STK31: variants seen among roughly 807,000 people sequenced by gnomAD.
STK31 encodes serine/threonine kinase 31.
A neutral mutation model predicts 129.7 loss-of-function variants in STK31; 89 were observed. The observed-to-expected ratio is 0.69, with a 90% CI of 0.58 to 0.82. STK31 has a LOEUF of 0.82. Ranked by LOEUF, STK31 falls within the 40% of genes least tolerant of loss-of-function variation. The pLI, the probability that STK31 is intolerant of heterozygous loss-of-function variation, is 0.00. For synonymous variants in STK31, 448 were observed against 395.3 expected (o/e 1.13, Z -1.58); for missense variants, 1,187 against 1,176.4 (o/e 1.01, Z -0.13).
intron 11 of STK31, among the ~76,000 whole-genome samples, chr7:23,767,538 G>C (rs773942153): frequency 1.3e-5 from 2 of 152,170 alleles, no homozygotes; most frequent in Non-Finnish European, 2.9e-5. Context: ...CTCTGCCTCA[G>C]CTACTGCTCC....
At chr7:23,826,552 A>T (rs761834203) in intron 23 of STK31, among the ~76,000 whole-genome samples, 1 of 152,122 alleles carries the variant, frequency 6.6e-6, no homozygotes, top group Admixed American at 6.5e-5. Flanking sequence ...CTCTTTATCC[A>T]GTTTGCCAGT....
intron 22 of STK31, among the ~76,000 whole-genome samples, chr7:23,807,355 A>G (rs1323653615): frequency 1.3e-5 from 2 of 152,088 alleles, no homozygotes; most frequent in Non-Finnish European, 2.9e-5. Context: ...TTCTTTTAGC[A>G]TTTGGAAAAG....
intron 4 of STK31, among the ~76,000 whole-genome samples, chr7:23,718,814 T>G (rs1399951808): frequency 1.3e-5 from 2 of 152,122 alleles, no homozygotes; most frequent in East Asian, 3.8e-4. Context: ...AATCCTTATA[T>G]AAGTCTTCTG....
At chr7:23,809,319 C>G (rs1584482503) in intron 22 of STK31, among the ~76,000 whole-genome samples, 3 of 152,106 alleles carry the variant, frequency 2.0e-5, no homozygotes, top group Admixed American at 1.3e-4. Context: ...ACAGCCACCT[C>G]ATTCTCACAT....
intron 8 of STK31, among the ~76,000 whole-genome samples, chr7:23,738,487 A>C (rs1376563366): frequency 6.6e-6 from 1 of 152,066 alleles, no homozygotes; most frequent in African/African-American, 2.4e-5. Context: ...TCCCGGACTC[A>C]AGCAATCCAC....
chr7:23,712,849 T>C (rs897789077), intron 3 of STK31, among the ~76,000 whole-genome samples: 1 of 152,182 alleles, frequency 6.6e-6, no homozygotes, highest in African/African-American at 2.4e-5. Flanking sequence ...TAAATTCCTC[T>C]GATGCACAGA....
At chr7:23,831,211 T>C (rs1413718282) in intron 23 of STK31, among the ~76,000 whole-genome samples, 1 of 152,218 alleles carries the variant, frequency 6.6e-6, no homozygotes, top group Non-Finnish European at 1.5e-5. Context: ...ATTATCTGTC[T>C]AGTGGTGAGA....
rs1409480235 is a variant in STK31 at position 23,832,339 on chromosome 7, A to G, written c.3033A>G (p.Arg1011=). Residue 1011 remains arginine (R), a synonymous_variant, in exon 24 of 24, where the codon AGA becomes AGG. Coordinates refer to ENST00000355870, the MANE Select transcript of STK31 (RefSeq NM_031414.5). The part of the protein sequence containing the change: ...ENLDKCMEKT[R]NGEANFDC ...TGGATAAATGTATGGAGAAGACAAGAAATGGTGAAGCCAACTTTGATTGTT... is the reference window on the plus strand; with the variant it reads ...TGGATAAATGTATGGAGAAGACAAGGAATGGTGAAGCCAACTTTGATTGTT... The G allele has an allele frequency of 6.2e-7, 1 of 1,611,024 alleles. No homozygotes were observed. Among genetic ancestry groups the G allele is most frequent in the African/African-American group, 1.3e-5 (1 of 74,700 alleles).
chr7:23,799,087 AAG>A (rs1349061273), intron 22 of STK31, among the ~76,000 whole-genome samples: 1 of 150,652 alleles, frequency 6.6e-6, no homozygotes, highest in African/African-American at 2.5e-5. Flanking sequence ...TCAAGGAAAT[AAG>A]AGAGGACACA....
intron 4 of STK31, among the ~76,000 whole-genome samples, chr7:23,723,963 G>A (rs1786892241): frequency 6.6e-6 from 1 of 152,200 alleles, no homozygotes; most frequent in Admixed American, 6.5e-5. Context: ...CGGCCCGGAG[G>A]AAGGGGCTTG....
At chr7:23,724,237 G>A (rs1786911986) in intron 4 of STK31, among the ~76,000 whole-genome samples, 1 of 152,142 alleles carries the variant, frequency 6.6e-6, no homozygotes, top group African/African-American at 2.4e-5. Flanking sequence ...TTCATACATT[G>A]TTTGTGCCAG....
chr7:23,742,722 T>G (rs1689768108), intron 8 of STK31, among the ~76,000 whole-genome samples: 1 of 152,188 alleles, frequency 6.6e-6, no homozygotes, highest in African/African-American at 2.4e-5. Context: ...GGGCTTTCTC[T>G]CTCTTCTCTG....
At chr7:23,804,385 C>T (rs936572879) in intron 22 of STK31, among the ~76,000 whole-genome samples, 9 of 152,092 alleles carry the variant, frequency 5.9e-5, no homozygotes, top group Admixed American at 3.3e-4. Flanking sequence ...TCTTGTTTGC[C>T]ACTATATCCT....
At chr7:23,783,969 A>G (rs987068186) in intron 17 of STK31, among the ~76,000 whole-genome samples, 1 of 152,198 alleles carries the variant, frequency 6.6e-6, no homozygotes, top group Non-Finnish European at 1.5e-5. Flanking sequence ...TTTAACTGCT[A>G]TTTCAAGAGT....
chr7:23,805,224 C>T (rs530710277), intron 22 of STK31, among the ~76,000 whole-genome samples: 7 of 151,952 alleles, frequency 4.6e-5, no homozygotes, highest in South Asian at 2.1e-4. Context: ...TACAGGCGCA[C>T]GCTGCCATGC....
chr7:23,729,012 A>G, intron 5 of STK31, 79 bp from the exon 6 acceptor site: 2 of 1,346,492 alleles, frequency 1.5e-6, no homozygotes, highest in Non-Finnish European at 2.0e-6. Flanking sequence ...GGTCATTAAC[A>G]GAGAGCAGCA....
intron 23 of STK31, among the ~76,000 whole-genome samples, chr7:23,822,493 C>T (rs775426860): frequency 6.6e-6 from 1 of 152,034 alleles, no homozygotes; most frequent in Non-Finnish European, 1.5e-5. Context: ...CTATATCCTG[C>T]GATTTACTAT....
In STK31 at chr7:23,832,487, A is replaced by G; in HGVS notation, c.*121A>G. On this transcript the variant is annotated 3_prime_UTR_variant, in exon 24 of 24. Transcript: ENST00000355870. The stretch of plus-strand genomic sequence containing the variant: ...TATCTTTAGTATTCAGGTTGTGAAA[A>G]ATAAAGATGTTTGGCTATGCACAAA... 3 of 735,524 alleles carry G rather than the reference A, an allele frequency of 4.1e-6. No individual in the cohort carries two copies. The highest frequency in any genetic ancestry group is 6.7e-6 in the Non-Finnish European group (3 of 447,926). 45.6% of individuals were successfully genotyped at this position (735,524 alleles called of 1,614,324 possible). A position where few individuals can be genotyped will look rare whatever the true frequency, so the allele number is the denominator to read the frequency against.
intron 4 of STK31, among the ~76,000 whole-genome samples, chr7:23,724,309 C>T (rs1306731722): frequency 6.6e-6 from 1 of 152,174 alleles, no homozygotes; most frequent in Non-Finnish European, 1.5e-5. Flanking sequence ...AGGTCAACTC[C>T]TTGCGGAAGG....
Sources: allele counts gnomAD v4.1 joint callset (sites outside exome capture counted in the v4.1 genomes callset), GRCh38; gene constraint gnomAD v4.1.1; transcripts MANE v1.5; gene names NCBI Gene and HGNC (gene_info 2026-07-23, HGNC 2026-07-21).